Variants in NLRP13 observed in about 807,000 individuals in gnomAD.
NLRP13 encodes NACHT, LRR and PYD domains-containing protein 13.
A neutral mutation model predicts 94.4 loss-of-function variants in NLRP13; 82 were observed. The ratio of observed to expected loss-of-function variants is 0.87; its 90% CI spans 0.73 to 1.04. The LOEUF is 1.04. Among genes scored for constraint, NLRP13 ranks in the 50% least tolerant of loss-of-function variants. The probability of loss-of-function intolerance (pLI) is 0.00; values close to 1 mark genes in which losing one functional copy is unlikely to be tolerated. For missense variants in NLRP13, 1,426 were observed against 1,230.8 expected (o/e 1.16, Z -2.37); for synonymous variants, 553 against 464.7 (o/e 1.19, Z -2.45).
Position 55,911,916 on chromosome 19 carries a change from T to C in NLRP13, c.1901A>G (p.His634Arg). The change falls in exon 5 of 11, where the codon CAC (histidine) becomes CGC (arginine). Residue 634 changes from histidine to arginine, a missense_variant. Transcript: ENST00000342929. Reference sequence around the variant, plus strand: ...TAGGCAGTGAAAAAGTCGTAGAATGTGAAATTGGAGAGAGGCACTTTCAGC... The same window carrying C: ...TAGGCAGTGAAAAAGTCGTAGAATGCGAAATTGGAGAGAGGCACTTTCAGC... Reference protein sequence around the residue: ...GKAESASLQFHILRLFHCLHE... With the variant: ...GKAESASLQFRILRLFHCLHE... 6.2e-7 allele frequency: 1 copy of C among 1,614,236 alleles called. No individual in the cohort carries two copies. Among genetic ancestry groups the C allele is most frequent in the Non-Finnish European group, 8.5e-7 (1 of 1,180,028 alleles).
rs141959841 is a variant in NLRP13 at position 55,931,814 on chromosome 19, C to A, written c.319+179G>T. 1.7e-3 allele frequency among the ~76,000 whole-genome samples: 264 copies of A among 151,844 alleles called. 2 individuals carry two copies. The highest frequency in any genetic ancestry group is 6.8e-3 in the Middle Eastern group (2 of 294). ...CTTGCCTTTGCTACTCCTTCCCAGG[C>A]TAGAGCACTAAATCTTTATAGCCTT... On this transcript the variant is annotated intron_variant, in intron 1 of 10. Transcript: ENST00000342929.
chr19:55,901,244 G>A (rs1012369541), intron 9 of NLRP13, among the ~76,000 whole-genome samples: 7 of 152,188 alleles, frequency 4.6e-5, no homozygotes, highest in African/African-American at 9.7e-5. Context: ...CCGTCGCCAC[G>A]AGAGCACATA....
chr19:55,893,828 A>G (rs1287333502), downstream of NLRP13, among the ~76,000 whole-genome samples: 1 of 152,188 alleles, frequency 6.6e-6, no homozygotes, highest in Admixed American at 6.5e-5. Context: ...CACATGCATG[A>G]TAGACAGCAG....
chr19:55,913,878 A>T (rs572594477), intron 4 of NLRP13, among the ~76,000 whole-genome samples: 3 of 152,122 alleles, frequency 2.0e-5, no homozygotes, highest in African/African-American at 7.2e-5. Context: ...CCTTCTAGCC[A>T]GTAGAGGGGG....
At chr19:55,917,775 C>A (rs1415795746) in intron 4 of NLRP13, among the ~76,000 whole-genome samples, 1 of 151,854 alleles carries the variant, frequency 6.6e-6, no homozygotes, top group African/African-American at 2.4e-5. Context: ...ATTCATAAAA[C>A]AAATATTATT....
chr19:55,895,934 G>A, downstream of NLRP13: 1 of 1,612,934 alleles, frequency 6.2e-7, no homozygotes, highest in South Asian at 1.1e-5. Context: ...CTGCAGAAAA[G>A]TCAGTGAGGT....
intron 4 of NLRP13, among the ~76,000 whole-genome samples, chr19:55,913,977 G>A (rs1986614831): frequency 6.6e-6 from 1 of 152,026 alleles, no homozygotes; most frequent in African/African-American, 2.4e-5. Flanking sequence ...GCAGGTCAGA[G>A]TCCCCCACTC....
chr19:55,922,930 G>C (rs1035058792), intron 4 of NLRP13, among the ~76,000 whole-genome samples: 1 of 152,196 alleles, frequency 6.6e-6, no homozygotes, highest in African/African-American at 2.4e-5. Context: ...AGTAGTGGGT[G>C]GATGTCTCTG....
downstream of NLRP13, among the ~76,000 whole-genome samples, chr19:55,895,061 A>G (rs558071381): frequency 6.6e-6 from 1 of 152,296 alleles, no homozygotes; most frequent in African/African-American, 2.4e-5. Context: ...ATTACTTTGT[A>G]CCAACCTAAT....
downstream of NLRP13, among the ~76,000 whole-genome samples, chr19:55,894,880 C>T (rs1217368822): frequency 6.6e-6 from 1 of 152,070 alleles, no homozygotes; most frequent in African/African-American, 2.4e-5. Flanking sequence ...CTCAAAATAC[C>T]CAAAAGTCTC....
chr19:55,905,465 A>G (rs1161537240), intron 7 of NLRP13, among the ~76,000 whole-genome samples: 1 of 118,952 alleles, frequency 8.4e-6, no homozygotes, highest in East Asian at 2.9e-4. Flanking sequence ...ATATATACAC[A>G]CATATATACA....
At chr19:55,902,318 C>T (rs766549832) in intron 8 of NLRP13, 113 bp from the exon 9 acceptor site, 38 of 844,944 alleles carry the variant, frequency 4.5e-5, no homozygotes, top group African/African-American at 2.0e-4. Context: ...GCTCCCTGGA[C>T]GACAAGGTCT....
intron 6 of NLRP13, among the ~76,000 whole-genome samples, chr19:55,909,423 G>C (rs902421228): frequency 8.6e-5 from 13 of 151,808 alleles, no homozygotes; most frequent in African/African-American, 2.4e-4. Context: ...TGCAGCTCAT[G>C]TTTCTCCCTA....
intron 10 of NLRP13, 51 bp downstream of exon 10, chr19:55,898,719 C>G: frequency 6.6e-7 from 1 of 1,515,922 alleles, no homozygotes; most frequent in Non-Finnish European, 8.9e-7. Context: ...TATCTCCCCA[C>G]CCGCAAGAGT....
chr19:55,902,614 G>A (rs1046929356), intron 8 of NLRP13, among the ~76,000 whole-genome samples: 7 of 152,148 alleles, frequency 4.6e-5, no homozygotes, highest in Non-Finnish European at 7.3e-5. Flanking sequence ...AGGATGGTCT[G>A]GCAGAGAGCT....
intron 7 of NLRP13, among the ~76,000 whole-genome samples, 157 bp downstream of exon 7, chr19:55,907,635 G>A (rs1986391838): frequency 6.6e-6 from 1 of 151,068 alleles, no homozygotes; most frequent in Non-Finnish European, 1.5e-5. Flanking sequence ...TAAAATTTGA[G>A]AACCACGGCT....
At chr19:55,904,749 A>G (rs897686343) in intron 8 of NLRP13, among the ~76,000 whole-genome samples, 193 bp downstream of exon 8, 29 of 152,152 alleles carry the variant, frequency 1.9e-4, no homozygotes, top group African/African-American at 6.8e-4. Flanking sequence ...TTTCTTGGCA[A>G]AAGCTCCAGA....
chr19:55,906,274 G>T (rs1986343380), intron 7 of NLRP13, among the ~76,000 whole-genome samples: 2 of 140,372 alleles, frequency 1.4e-5, no homozygotes, highest in Admixed American at 7.6e-5. Context: ...GGAGGTGGAG[G>T]TTACAGTGAG....
At chr19:55,919,382 C>T (rs922541647) in intron 4 of NLRP13, among the ~76,000 whole-genome samples, 1 of 151,818 alleles carries the variant, frequency 6.6e-6, no homozygotes, top group African/African-American at 2.4e-5. Context: ...AGCAATCAGG[C>T]AAGAGAAAGA....
Sources: allele counts gnomAD v4.1 joint callset (sites outside exome capture counted in the v4.1 genomes callset), GRCh38; gene constraint gnomAD v4.1.1; transcripts MANE v1.5; gene names NCBI Gene and HGNC (gene_info 2026-07-23, HGNC 2026-07-21).